CALCR: variants seen among roughly 807,000 people sequenced by gnomAD.
CALCR encodes the protein calcitonin receptor.
CALCR carries 47 observed loss-of-function variants against 59.5 expected under a neutral mutation model. That is an observed-to-expected ratio of 0.79 (90% CI 0.63 to 1.01). The LOEUF (loss-of-function observed/expected upper bound fraction) is 1.01, where lower values mean the gene tolerates loss of function less well. Among genes scored for constraint, CALCR ranks in the 50% least tolerant of loss-of-function variants. The probability of loss-of-function intolerance (pLI) is 0.00; values close to 1 mark genes in which losing one functional copy is unlikely to be tolerated. For synonymous variants in CALCR, 213 were observed against 211.3 expected, an observed-to-expected ratio of 1.01 and a Z score of -0.07; for missense variants, 566 against 597.1, an observed-to-expected ratio of 0.95 and a Z score of 0.54.
intron 11 of CALCR, among the ~76,000 whole-genome samples, chr7:93,437,308 A>AT (rs1799801327): frequency 6.6e-6 from 1 of 152,096 alleles, no homozygotes; most frequent in South Asian, 2.1e-4. Context: ...ATTAGGAGAT[A>AT]TTTTATAATC....
At chr7:93,468,861 A>G in intron 6 of CALCR, 55 bp from the exon 7 acceptor site, 2 of 869,748 alleles carry the variant, frequency 2.3e-6, no homozygotes, top group Non-Finnish European at 3.4e-6. Flanking sequence ...CATCAGAGAG[A>G]AAATCATTTC....
intron 2 of CALCR, among the ~76,000 whole-genome samples, chr7:93,489,386 C>T (rs1481276070): frequency 6.6e-6 from 1 of 151,656 alleles, no homozygotes; most frequent in East Asian, 1.9e-4. Flanking sequence ...AATCCAAAAG[C>T]TAGCATAAAA....
At position 93,460,896 on chromosome 7, in the gene CALCR, G is replaced by A; in HGVS notation, c.573C>T (p.Tyr191=). The part of the protein sequence containing the change: ...VTLHKNMFLT[Y]ILNSMIIIIH... ...TGATGATAATCATAGAATTCAGAATGTAAGTAAGAAACATGTTCTTGTGCA... is the reference window on the plus strand; with the variant it reads ...TGATGATAATCATAGAATTCAGAATATAAGTAAGAAACATGTTCTTGTGCA... The change falls in exon 8 of 14, where the codon TAC becomes TAT. Residue 191 remains tyrosine, a synonymous_variant. Coordinates refer to ENST00000426151, the MANE Select transcript of CALCR (RefSeq NM_001742.4). The A allele has an allele frequency of 6.2e-7, 1 of 1,611,786 alleles. No homozygotes were observed. Among genetic ancestry groups the A allele is most frequent in the Non-Finnish European group, 8.5e-7 (1 of 1,178,650 alleles).
In CALCR at chr7:93,460,581, ATATATATATATG is replaced by A. The variant is rs1305722387; in HGVS notation, c.648+228_648+239del. 4.1e-4 allele frequency among the ~76,000 whole-genome samples: 44 copies of A among 107,642 alleles called. 1 individual carries two copies. The highest frequency in any genetic ancestry group is 2.4e-3 in the African/African-American group (43 of 18,076). 70.6% of individuals were successfully genotyped at this position (107,642 alleles called of 152,430 possible). ...AAAAAAAAAAAAAAAAAATATATAT[ATATATATATATG>A]TATATATATATATATATATGGTTTG... On this transcript the variant is annotated intron_variant, in intron 8 of 13. Transcript: ENST00000426151.
chr7:93,479,471 T>A lies in CALCR; in HGVS notation c.88A>T (p.Thr30Ser), dbSNP rs754485667. The A allele has an allele frequency of 6.2e-7, 1 of 1,612,464 alleles. No homozygotes were observed. The highest frequency in any genetic ancestry group is 1.1e-5 in the South Asian group (1 of 91,008). The change falls in exon 4 of 14, where the codon ACC (threonine) becomes TCC (serine). Residue 30 changes from threonine to serine, a missense_variant. By Grantham distance (58) the Thr-to-Ser change is moderately conservative. Transcript: ENST00000426151. ...TPILPAFSNQTYPTIEPKPFL... is the reference protein window; with the variant it reads ...TPILPAFSNQSYPTIEPKPFL... ...GGCTTGGGCTCTATTGTTGGATAGG[T>A]TTGATTTGAAAAGGCAGGAAGAATT...
intron 2 of CALCR, among the ~76,000 whole-genome samples, chr7:93,536,827 G>T (rs1233282879): frequency 1.3e-5 from 2 of 151,672 alleles, no homozygotes; most frequent in Admixed American, 1.3e-4. Context: ...ACTTAAGTAT[G>T]AATTGTGCAT....
At chr7:93,560,322 G>A (rs780965556) in intron 2 of CALCR, among the ~76,000 whole-genome samples, 21 of 151,940 alleles carry the variant, frequency 1.4e-4, no homozygotes, top group Admixed American at 3.3e-4. Flanking sequence ...GAGAGATGAC[G>A]TCACTCTCTA....
chr7:93,456,911 T>C (rs1199530502), intron 8 of CALCR, among the ~76,000 whole-genome samples: 18 of 152,158 alleles, frequency 1.2e-4, no homozygotes, highest in Non-Finnish European at 4.4e-5. Context: ...ACTCATATTC[T>C]CCTAGGAAAT....
At chr7:93,485,056 G>C (rs1462917818) in intron 3 of CALCR, among the ~76,000 whole-genome samples, 1 of 151,714 alleles carries the variant, frequency 6.6e-6, no homozygotes, top group Non-Finnish European at 1.5e-5. Context: ...GATTAATTAG[G>C]AACATTGTCA....
At chr7:93,485,310 T>G (rs1411788843) in intron 3 of CALCR, among the ~76,000 whole-genome samples, 1 of 151,696 alleles carries the variant, frequency 6.6e-6, no homozygotes, top group African/African-American at 2.4e-5. Flanking sequence ...TGTCCATGGC[T>G]CATGCAAAGA....
At chr7:93,530,431 T>C (rs1788801646) in intron 2 of CALCR, among the ~76,000 whole-genome samples, 1 of 152,164 alleles carries the variant, frequency 6.6e-6, no homozygotes, top group Non-Finnish European at 1.5e-5. Flanking sequence ...CTAACTTTAA[T>C]GCCGCATCAC....
rs57128008 is a variant in CALCR, at chr7:93,532,838, C to CAAAAAAAAAAAAAAAAAAAAAAA, written c.-27+41428_-27+41450dup. ...TAGCCTTGATTCCTCATGTCCAAAGCAAAAAAAAAAAAAAAAAAAAAAAAA... is the reference window on the plus strand; with the variant it reads ...TAGCCTTGATTCCTCATGTCCAAAGCAAAAAAAAAAAAAAAAAAAAAAAAAAAAAAAAAAAAAAAAAAAAAAAA... On this transcript the variant is annotated intron_variant, in intron 2 of 13. Coordinates refer to ENST00000426151, the MANE Select transcript of CALCR (RefSeq NM_001742.4). Among the ~76,000 whole-genome samples, 19 of 95,678 alleles carry CAAAAAAAAAAAAAAAAAAAAAAA rather than the reference C, an allele frequency of 2.0e-4. 1 individual carries two copies. Among genetic ancestry groups the CAAAAAAAAAAAAAAAAAAAAAAA allele is most frequent in the African/African-American group, 8.0e-4 (16 of 19,928 alleles). The allele number at this position is 95,678 out of a possible 152,430, so 62.8% of individuals were successfully genotyped here. A position where few individuals can be genotyped will look rare whatever the true frequency, so the allele number is the denominator to read the frequency against.
intron 2 of CALCR, among the ~76,000 whole-genome samples, chr7:93,555,946 A>G (rs961281672): frequency 2.6e-5 from 4 of 152,202 alleles, no homozygotes; most frequent in African/African-American, 9.6e-5. Flanking sequence ...TGAAAAGAGT[A>G]AAACTCTTCT....
At position 93,490,467 on chromosome 7, in the gene CALCR, T is replaced by C. The variant is rs541462124; in HGVS notation, c.-26-3460A>G. ...AATAGGAATAGAGGAAGTCAAATTG[T>C]CTGTGTTTGCAGACAACATGGTTTT... On this transcript the variant is annotated intron_variant, in intron 2 of 13. Coordinates refer to ENST00000426151, the MANE Select transcript of CALCR (RefSeq NM_001742.4). Among the ~76,000 whole-genome samples, 63 of 152,006 alleles carry C rather than the reference T, an allele frequency of 4.1e-4. No individual in the cohort carries two copies. The South Asian group carries it at 6.0e-3, about 15-fold the overall frequency.
Position 93,438,103 on chromosome 7 carries a change from T to C in CALCR, c.887A>G (p.His296Arg). 5 of 1,613,870 alleles carry C rather than the reference T, an allele frequency of 3.1e-6. No individual in the cohort carries two copies. Among genetic ancestry groups the C allele is most frequent in the Non-Finnish European group, 4.2e-6 (5 of 1,179,876 alleles). ...NDNCWLSVET[H>R]LLYIIHGPVM... is the part of the protein sequence containing the mutation. Reference sequence around the variant, plus strand: ...AGGTCCATGGATTATGTAAAGCAAATGGGTTTCCACACTCAGCCAGCAGCT... The same window carrying C: ...AGGTCCATGGATTATGTAAAGCAAACGGGTTTCCACACTCAGCCAGCAGCT... The change falls in exon 11 of 14, where the codon CAT becomes CGT. Residue 296 changes from histidine (H) to arginine (R), a missense_variant. By Grantham distance (29) the His-to-Arg change is conservative. Transcript: ENST00000426151.
chr7:93,457,518 G>C (rs11978513), intron 8 of CALCR, among the ~76,000 whole-genome samples: 9,415 of 152,164 alleles, frequency 0.062, 933 homozygotes, highest in African/African-American at 0.21. Context: ...AAAAAGAAGA[G>C]AAAGAGTCTA....
chr7:93,507,982 C>A (rs983576679), intron 2 of CALCR, among the ~76,000 whole-genome samples: 2 of 151,784 alleles, frequency 1.3e-5, no homozygotes, highest in Non-Finnish European at 2.9e-5. Flanking sequence ...AGAAGACAAC[C>A]TTTCTTTGAT....
chr7:93,452,892 A>T (rs952589605), intron 8 of CALCR, among the ~76,000 whole-genome samples: 1 of 151,812 alleles, frequency 6.6e-6, no homozygotes, highest in African/African-American at 2.4e-5. Context: ...ACCACTTAGT[A>T]CTCTTAGGGT....
chr7:93,499,508 A>G (rs1183814861), intron 2 of CALCR, among the ~76,000 whole-genome samples: 1 of 151,838 alleles, frequency 6.6e-6, no homozygotes, highest in Non-Finnish European at 1.5e-5. Context: ...CGTCTGGGTA[A>G]TAATTGACTT....
Sources: gnomAD v4.1 joint callset for allele counts (sites outside exome capture counted in the v4.1 genomes callset) on GRCh38, gnomAD v4.1.1 for gene constraint, MANE v1.5 for transcripts, NCBI Gene and HGNC (gene_info 2026-07-23, HGNC 2026-07-21) for gene names.